Variants in MYL2 observed in about 807,000 individuals in gnomAD.
The protein encoded by MYL2 is myosin light chain 2.
In MYL2, 19 loss-of-function variants were observed where a neutral mutation model predicts 23.0. The ratio of observed to expected loss-of-function variants is 0.83; its 90% CI spans 0.58 to 1.21. MYL2 has a LOEUF of 1.21. Among genes scored for constraint, MYL2 ranks in the 50% most tolerant of loss-of-function variants. The probability of loss-of-function intolerance (pLI) is 0.00; values close to 1 mark genes in which losing one functional copy is unlikely to be tolerated. For missense variants in MYL2, 180 were observed against 215.1 expected, an observed-to-expected ratio of 0.84 and a Z score of 1.02; for synonymous variants, 78 against 76.2, an observed-to-expected ratio of 1.02 and a Z score of -0.13.
chr12:110,919,885 A>G (rs574593453), intron 1 of MYL2, among the ~76,000 whole-genome samples: 1 of 152,168 alleles, frequency 6.6e-6, no homozygotes, highest in Non-Finnish European at 1.5e-5. Context: ...TATTATTATC[A>G]TCCCCATTTT....
chr12:110,916,914 T>C (rs966487133), intron 2 of MYL2, among the ~76,000 whole-genome samples: 1 of 152,204 alleles, frequency 6.6e-6, no homozygotes, highest in African/African-American at 2.4e-5. Context: ...AGTGGTGCAA[T>C]CTCGGCTCAC....
chr12:110,917,660 T>C (rs1331882920), intron 2 of MYL2, among the ~76,000 whole-genome samples: 1 of 152,098 alleles, frequency 6.6e-6, no homozygotes, highest in African/African-American at 2.4e-5. Flanking sequence ...AGTTCAGATA[T>C]GACACTTGCC....
rs973507289 is a variant in MYL2, at chr12:110,910,914, A to T, written c.*163T>A. 68 of 692,226 alleles carry T rather than the reference A, an allele frequency of 9.8e-5. No individual in the cohort carries two copies. The South Asian group carries it at 1.0e-3, about 11-fold the overall frequency. 42.9% of individuals were successfully genotyped at this position (692,226 alleles called of 1,614,324 possible). ...CCAACTGTAGGATGTGCGGCCACGA[A>T]GTACCCATAGCCACCCAGGCTGCAA... On this transcript the variant is annotated 3_prime_UTR_variant, in exon 7 of 7. Transcript: ENST00000228841.
At chr12:110,921,221 C>T (rs928354895), upstream of MYL2, among the ~76,000 whole-genome samples, 7 of 152,120 alleles carry the variant, frequency 4.6e-5, no homozygotes, top group African/African-American at 1.2e-4. Flanking sequence ...AATAGCTGTG[C>T]GTGGTGGTGC....
Position 110,918,796 on chromosome 12 carries a change from A to G in MYL2, c.93+308T>C, listed in dbSNP as rs2071701905. 1 of 366,788 alleles carries G rather than the reference A, an allele frequency of 2.7e-6. No individual in the cohort carries two copies. Among genetic ancestry groups the G allele is most frequent in the Non-Finnish European group, 5.1e-6 (1 of 196,520 alleles). The allele number at this position is 366,788 out of a possible 1,614,324, so 22.7% of individuals were successfully genotyped here. ...ATAACAAAAATGGTTTGAAGGGTAT[A>G]TACTAAAATGTGAACTGATTATCTC... is the stretch of plus-strand genomic sequence containing the variant. On this transcript the variant is annotated intron_variant, in intron 2 of 6. Coordinates refer to ENST00000228841, the MANE Select transcript of MYL2 (RefSeq NM_000432.4). This position sits in a 1 kb window ranked among gnomAD's most constrained non-coding sequence, Gnocchi z 4.4.
chr12:110,911,009 G>C lies in MYL2; in HGVS notation c.*68C>G. The C allele has an allele frequency of 7.3e-7, 1 of 1,365,726 alleles. No individual in the cohort carries two copies. The highest frequency in any genetic ancestry group is 1.0e-6 in the Non-Finnish European group (1 of 954,544). The allele number at this position is 1,365,726 out of a possible 1,614,324, so 84.6% of individuals were successfully genotyped here. ...CAAGGTAGGGACAGAGGCGGTACTC[G>C]GGGGAGAGAGATGAGGGCAGGGACC... On this transcript the variant is annotated 3_prime_UTR_variant, in exon 7 of 7. Transcript: ENST00000228841.
At chr12:110,916,865 T>A (rs1476805786) in intron 2 of MYL2, among the ~76,000 whole-genome samples, 1 of 147,156 alleles carries the variant, frequency 6.8e-6, no homozygotes, top group Admixed American at 6.7e-5. Context: ...TTATTTATTT[T>A]TGAGAAAGAG....
upstream of MYL2, chr12:110,920,842 A>C (rs2071719880): frequency 3.9e-6 from 2 of 514,826 alleles, no homozygotes; most frequent in Admixed American, 6.4e-5. Context: ...GGCCGGGGAC[A>C]CTTGTGCTTG....
At chr12:110,920,478 C>T (rs200062343) in intron 1 of MYL2, 49 bp downstream of exon 1, 2 of 1,613,912 alleles carry the variant, frequency 1.2e-6, no homozygotes, top group Admixed American at 1.7e-5. Flanking sequence ...TAGTGGCTTC[C>T]TCTCCTCGCC....
In MYL2 at chr12:110,918,717, G is replaced by A. The variant is rs889945292; in HGVS notation, c.93+387C>T. ...GAATTTCTCAACGAAAAAAATGCAG[G>A]TGTAATCAGTGGGCACAGAAGATTA... On this transcript the variant is annotated intron_variant, in intron 2 of 6. Transcript: ENST00000228841. The surrounding 1 kb of genome is among the most constrained non-coding windows in gnomAD (Gnocchi z 4.4). The A allele has an allele frequency of 4.1e-4, 73 of 178,252 alleles. 1 individual carries two copies. Among genetic ancestry groups the A allele is most frequent in the Middle Eastern group, 2.9e-3 (1 of 348 alleles). 11.0% of individuals were successfully genotyped at this position (178,252 alleles called of 1,614,324 possible).
chr12:110,915,018 C>G (rs372194810), intron 3 of MYL2, among the ~76,000 whole-genome samples: 1 of 152,222 alleles, frequency 6.6e-6, no homozygotes, highest in Non-Finnish European at 1.5e-5. Context: ...TTCTGATTTA[C>G]CTGCTCTAGT....
chr12:110,920,226 A>G (rs1412367713), intron 1 of MYL2, among the ~76,000 whole-genome samples: 2 of 152,208 alleles, frequency 1.3e-5, no homozygotes, highest in East Asian at 1.9e-4. Context: ...CCTTAAAAGC[A>G]TTCAATCCCA....
chr12:110,914,442 A>G, intron 3 of MYL2, 152 bp from the exon 4 acceptor site: 3 of 641,406 alleles, frequency 4.7e-6, no homozygotes, highest in Non-Finnish European at 8.7e-6. Flanking sequence ...TTCTGAGAAG[A>G]TGTTCTTGAC....
upstream of MYL2, among the ~76,000 whole-genome samples, chr12:110,920,987 C>T (rs1364659930): frequency 1.3e-5 from 2 of 152,236 alleles, no homozygotes; most frequent in Non-Finnish European, 2.9e-5. Flanking sequence ...CATCGCACGG[C>T]TCCTTCCTTC....
chr12:110,918,048 A>C lies in MYL2; in HGVS notation c.93+1056T>G, dbSNP rs898305851. Among the ~76,000 whole-genome samples, 1 of 152,238 alleles carries C rather than the reference A, an allele frequency of 6.6e-6. No homozygotes were observed. The highest frequency in any genetic ancestry group is 1.9e-4 in the East Asian group (1 of 5,174). On this transcript the variant is annotated intron_variant, in intron 2 of 6. Coordinates refer to ENST00000228841, the MANE Select transcript of MYL2 (RefSeq NM_000432.4). This position sits in a 1 kb window ranked among gnomAD's most constrained non-coding sequence, Gnocchi z 4.4. ...CAGGGAGCCGTGGTTGTGCCACTGC[A>C]CTCTAGCCTGGGTGACAGAGCGAGA...
At chr12:110,913,463 C>G (rs527249901) in intron 4 of MYL2, 139 bp from the exon 5 acceptor site, 2 of 820,036 alleles carry the variant, frequency 2.4e-6, no homozygotes, top group East Asian at 5.2e-5. Flanking sequence ...ACCCTGCTTT[C>G]GTCTGATCAC....
At chr12:110,915,198 A>T (rs1257144461) in intron 3 of MYL2, among the ~76,000 whole-genome samples, 4 of 152,266 alleles carry the variant, frequency 2.6e-5, no homozygotes, top group Non-Finnish European at 5.9e-5. Flanking sequence ...TTCTAAGGTC[A>T]GGAGTAAGTG....
At chr12:110,917,297 A>G (rs1480386850) in intron 2 of MYL2, among the ~76,000 whole-genome samples, 3 of 152,086 alleles carry the variant, frequency 2.0e-5, no homozygotes, top group African/African-American at 7.2e-5. Flanking sequence ...TAGCTTTTTA[A>G]AAAATAATAG....
chr12:110,916,542 C>T (rs751444390), intron 2 of MYL2, among the ~76,000 whole-genome samples: 12 of 152,160 alleles, frequency 7.9e-5, no homozygotes, highest in Non-Finnish European at 1.6e-4. Flanking sequence ...AGCCTTAAAA[C>T]ATCAGTGAAA....
Sources: gnomAD v4.1 joint callset for allele counts (sites outside exome capture counted in the v4.1 genomes callset) on GRCh38, gnomAD v4.1.1 for gene constraint, Gnocchi (gnomAD v3.1) non-coding constraint, MANE v1.5 for transcripts, NCBI Gene and HGNC (gene_info 2026-07-23, HGNC 2026-07-21) for gene names.